Variants in SERGEF observed in about 807,000 individuals in gnomAD.
The protein encoded by SERGEF is secretion regulating guanine nucleotide exchange factor, also known as secretion-regulating guanine nucleotide exchange factor.
Under a neutral mutation model 50.0 loss-of-function variants are expected in SERGEF, and 51 were observed. The observed-to-expected ratio is 1.02, with a 90% confidence interval of 0.81 to 1.29. SERGEF has a LOEUF of 1.29. Among genes scored for constraint, SERGEF ranks in the 50% most tolerant of loss-of-function variants. The probability of loss-of-function intolerance (pLI) is 0.00; values close to 1 mark genes in which losing one functional copy is unlikely to be tolerated. For missense variants in SERGEF, 521 were observed against 557.0 expected (o/e 0.94, Z 0.65); for synonymous variants, 205 against 212.4 (o/e 0.97, Z 0.30).
At chr11:17,826,466 G>A (rs1850197895) in intron 10 of SERGEF, among the ~76,000 whole-genome samples, 2 of 152,160 alleles carry the variant, frequency 1.3e-5, no homozygotes, top group African/African-American at 4.8e-5. Context: ...CATTTGCAAT[G>A]GGAAGAAAGA....
At chr11:17,897,769 C>T (rs1851675385) in intron 9 of SERGEF, among the ~76,000 whole-genome samples, 1 of 152,210 alleles carries the variant, frequency 6.6e-6, no homozygotes, top group African/African-American at 2.4e-5. Flanking sequence ...GATTGGTTGA[C>T]TGATCCTATC....
At chr11:17,936,051 A>C (rs1433773569) in intron 9 of SERGEF, among the ~76,000 whole-genome samples, 3 of 152,188 alleles carry the variant, frequency 2.0e-5, no homozygotes, top group African/African-American at 7.2e-5. Context: ...TCTAATGGTA[A>C]ATCTGCCTGA....
At chr11:17,946,823 T>A (rs1227962556) in intron 9 of SERGEF, among the ~76,000 whole-genome samples, 1 of 152,180 alleles carries the variant, frequency 6.6e-6, no homozygotes, top group Non-Finnish European at 1.5e-5. Flanking sequence ...TGTTTTTGTT[T>A]CTCTCCCTCC....
intron 3 of SERGEF, among the ~76,000 whole-genome samples, chr11:18,005,390 AGGG>A (rs1854052386): frequency 6.6e-6 from 1 of 152,218 alleles, no homozygotes; most frequent in Non-Finnish European, 1.5e-5. Flanking sequence ...GATAGACAAG[AGGG>A]GCTGGTCCAG....
intron 9 of SERGEF, among the ~76,000 whole-genome samples, chr11:17,910,744 G>A (rs1188754841): frequency 3.3e-5 from 5 of 151,994 alleles, no homozygotes; most frequent in African/African-American, 1.2e-4. Flanking sequence ...GCCCTCAGAA[G>A]ATGTCCAATG....
chr11:18,004,009 A>G (rs193297922), intron 4 of SERGEF, among the ~76,000 whole-genome samples: 1 of 152,238 alleles, frequency 6.6e-6, no homozygotes, highest in Non-Finnish European at 1.5e-5. Context: ...TTTTTTAAAT[A>G]GGGCTACTAG....
At chr11:17,959,006 C>A (rs1317504480) in intron 9 of SERGEF, among the ~76,000 whole-genome samples, 1 of 152,126 alleles carries the variant, frequency 6.6e-6, no homozygotes, top group Non-Finnish European at 1.5e-5. Context: ...GTAGCTGGGA[C>A]TACAGGTGTG....
At chr11:17,953,154 ACAGGAT>A (rs1262966729) in intron 9 of SERGEF, among the ~76,000 whole-genome samples, 2 of 142,974 alleles carry the variant, frequency 1.4e-5, no homozygotes, top group Non-Finnish European at 3.0e-5. Context: ...ACGGGAAGGG[ACAGGAT>A]CAACATATTT....
chr11:17,901,924 T>C (rs1332943701), intron 9 of SERGEF, among the ~76,000 whole-genome samples: 1 of 152,324 alleles, frequency 6.6e-6, no homozygotes, highest in Middle Eastern at 3.4e-3. Context: ...TCAGTTTCCA[T>C]ATCTGTAACG....
intron 6 of SERGEF, among the ~76,000 whole-genome samples, chr11:17,995,054 C>T (rs1853806902): frequency 6.6e-6 from 1 of 151,834 alleles, no homozygotes; most frequent in Admixed American, 6.6e-5. Flanking sequence ...AGACATGGTG[C>T]TGTATACAGA....
chr11:17,804,677 A>G (rs1303772208), intron 10 of SERGEF, among the ~76,000 whole-genome samples: 2 of 152,202 alleles, frequency 1.3e-5, no homozygotes, highest in East Asian at 3.9e-4. Context: ...TCATGAGACC[A>G]CCTATGAAAA....
intron 10 of SERGEF, among the ~76,000 whole-genome samples, chr11:17,832,192 G>A (rs1850320516): frequency 1.3e-5 from 2 of 152,222 alleles, no homozygotes. Context: ...CGTTGTGGGA[G>A]GGACCTGGTG....
At chr11:17,906,281 C>T (rs1851838568) in intron 9 of SERGEF, among the ~76,000 whole-genome samples, 1 of 152,220 alleles carries the variant, frequency 6.6e-6, no homozygotes, top group South Asian at 2.1e-4. Context: ...CCAGTTTCAG[C>T]CTCCTGACAA....
intron 10 of SERGEF, among the ~76,000 whole-genome samples, chr11:17,862,676 T>C (rs1434085692): frequency 6.6e-6 from 1 of 152,178 alleles, no homozygotes; most frequent in Non-Finnish European, 1.5e-5. Context: ...AGAGGGGCAC[T>C]AGCATAAGCT....
chr11:17,809,220 G>C (rs1849822781), intron 10 of SERGEF, among the ~76,000 whole-genome samples: 1 of 152,214 alleles, frequency 6.6e-6, no homozygotes, highest in Non-Finnish European at 1.5e-5. Context: ...GCTGGGGGAA[G>C]GAGGGGATTG....
intron 6 of SERGEF, 72 bp from the exon 7 acceptor site, chr11:17,993,065 C>G: frequency 7.9e-7 from 1 of 1,258,120 alleles, no homozygotes; most frequent in Non-Finnish European, 1.1e-6. Context: ...GGGCACTCAG[C>G]CAGTACCACC....
intron 9 of SERGEF, among the ~76,000 whole-genome samples, chr11:17,909,718 T>C (rs1049290323): frequency 6.6e-6 from 1 of 152,148 alleles, no homozygotes; most frequent in African/African-American, 2.4e-5. Flanking sequence ...CCTGGATATA[T>C]CTCTCAAACT....
chr11:17,824,288 G>A (rs1304883870), intron 10 of SERGEF, among the ~76,000 whole-genome samples: 7 of 125,676 alleles, frequency 5.6e-5, no homozygotes, highest in South Asian at 3.1e-4. Context: ...GTGACAGAGC[G>A]AGACACCGTC....
intron 10 of SERGEF, among the ~76,000 whole-genome samples, chr11:17,808,755 G>T (rs1351013536): frequency 6.6e-6 from 1 of 152,206 alleles, no homozygotes; most frequent in Admixed American, 6.5e-5. Flanking sequence ...CAACCCAGCA[G>T]GGGCCAACTT....
Sources: allele counts gnomAD v4.1 joint callset (sites outside exome capture counted in the v4.1 genomes callset), GRCh38; gene constraint gnomAD v4.1.1; transcripts MANE v1.5; gene names NCBI Gene and HGNC (gene_info 2026-07-23, HGNC 2026-07-21).